PPM1H: variants seen among roughly 807,000 people sequenced by gnomAD.
PPM1H encodes the protein protein phosphatase 1H.
Under a neutral mutation model 54.9 loss-of-function variants are expected in PPM1H, and 27 were observed. The observed-to-expected ratio is 0.49, with a 90% confidence interval of 0.36 to 0.68. The LOEUF (loss-of-function observed/expected upper bound fraction) is 0.68. PPM1H is among the 30% of genes least tolerant of loss of function. The pLI is 0.00. For synonymous variants in PPM1H, 305 were observed against 270.8 expected (o/e 1.13, Z -1.24); for missense variants, 596 against 667.8 (o/e 0.89, Z 1.19).
At chr12:62,841,625 T>C (rs1868752265) in intron 1 of PPM1H, among the ~76,000 whole-genome samples, 1 of 152,208 alleles carries the variant, frequency 6.6e-6, no homozygotes. Flanking sequence ...ATACTGACGA[T>C]TTCACATAGT....
intron 4 of PPM1H, among the ~76,000 whole-genome samples, chr12:62,776,251 C>T (rs562768053): frequency 6.6e-6 from 1 of 152,216 alleles, no homozygotes; most frequent in Non-Finnish European, 1.5e-5. Flanking sequence ...GAACATTTTG[C>T]CTCACCTCCT....
At chr12:62,666,966 C>A (rs1195547397) in intron 9 of PPM1H, among the ~76,000 whole-genome samples, 1 of 152,170 alleles carries the variant, frequency 6.6e-6, no homozygotes, top group Non-Finnish European at 1.5e-5. Flanking sequence ...CCCGCCTTGG[C>A]CCCCCAAAGT....
intron 1 of PPM1H, among the ~76,000 whole-genome samples, chr12:62,853,655 G>A (rs1232247864): frequency 6.6e-6 from 1 of 152,248 alleles, no homozygotes; most frequent in Admixed American, 6.5e-5. Flanking sequence ...TGCTAGTTCT[G>A]TAGGGAAACT....
intron 9 of PPM1H, among the ~76,000 whole-genome samples, chr12:62,661,486 G>A (rs1436046978): frequency 3.9e-5 from 6 of 152,108 alleles, no homozygotes; most frequent in Non-Finnish European, 7.4e-5. Context: ...CTGCAACCTC[G>A]ACTTGCCAGC....
At chr12:62,726,700 AT>A (rs1334928782) in intron 5 of PPM1H, among the ~76,000 whole-genome samples, 5 of 152,294 alleles carry the variant, frequency 3.3e-5, no homozygotes, top group African/African-American at 1.2e-4. Flanking sequence ...CAACTTGGTG[AT>A]TTGGAAACTT....
chr12:62,831,759 G>GTGTATATA (rs1555199923), intron 2 of PPM1H, among the ~76,000 whole-genome samples: 5 of 148,126 alleles, frequency 3.4e-5, no homozygotes, highest in African/African-American at 1.3e-4. Flanking sequence ...ATATATTCGT[G>GTGTATATA]TATATATATA....
chr12:62,702,034 G>T (rs2076146564), intron 6 of PPM1H, among the ~76,000 whole-genome samples: 2 of 152,150 alleles, frequency 1.3e-5, no homozygotes, highest in Non-Finnish European at 2.9e-5. Context: ...ACAAAGGCTG[G>T]TATCTCTCCC....
At chr12:62,890,502 A>T (rs972602000) in intron 1 of PPM1H, among the ~76,000 whole-genome samples, 1 of 152,168 alleles carries the variant, frequency 6.6e-6, no homozygotes, top group African/African-American at 2.4e-5. Context: ...GTTCTAAAAA[A>T]TAAAGTCTAT....
intron 2 of PPM1H, among the ~76,000 whole-genome samples, chr12:62,806,691 C>G (rs533137076): frequency 6.6e-6 from 1 of 152,290 alleles, no homozygotes; most frequent in African/African-American, 2.4e-5. Flanking sequence ...TGCCTGCTTC[C>G]CCTTCACCTT....
intron 1 of PPM1H, among the ~76,000 whole-genome samples, chr12:62,884,012 A>AAAAGAGATGAGAACAAACAGACT: frequency 6.6e-6 from 1 of 152,254 alleles, no homozygotes; most frequent in East Asian, 1.9e-4. Context: ...ACAAACAGAC[A>AAAAGAGATGAGAACAAACAGACT]AAAGAGATGA....
intron 1 of PPM1H, among the ~76,000 whole-genome samples, chr12:62,892,061 T>G (rs1351777199): frequency 6.6e-6 from 1 of 152,230 alleles, no homozygotes; most frequent in Admixed American, 6.5e-5. Context: ...ACAGAAACTT[T>G]TCACAGCCTC....
At chr12:62,673,217 G>A (rs2136618697) in intron 8 of PPM1H, among the ~76,000 whole-genome samples, 1 of 152,260 alleles carries the variant, frequency 6.6e-6, no homozygotes, top group Middle Eastern at 3.4e-3. Flanking sequence ...CTCTCACAGA[G>A]CCCTCAGCTT....
chr12:62,757,697 C>A (rs187249454), intron 4 of PPM1H, among the ~76,000 whole-genome samples: 28 of 152,328 alleles, frequency 1.8e-4, no homozygotes, highest in African/African-American at 6.3e-4. Context: ...CATAACACCA[C>A]TCCAGAAAAC....
intron 2 of PPM1H, among the ~76,000 whole-genome samples, chr12:62,817,664 T>C (rs1367489039): frequency 2.0e-5 from 3 of 152,296 alleles, no homozygotes; most frequent in African/African-American, 7.2e-5. Flanking sequence ...AGGGCTGCTG[T>C]TGTAGAACCA....
chr12:62,679,511 G>T (rs1472622610), intron 8 of PPM1H, among the ~76,000 whole-genome samples: 1 of 152,042 alleles, frequency 6.6e-6, no homozygotes, highest in African/African-American at 2.4e-5. Context: ...TTTTGCAGGG[G>T]GATACATGTT....
rs141693155 is a variant in PPM1H, at chr12:62,913,862, G to C, written c.245+20630C>G. 1.1e-4 allele frequency among the ~76,000 whole-genome samples: 17 copies of C among 151,770 alleles called. No homozygotes were observed. The East Asian group carries it at 2.3e-3, about 21-fold the overall frequency. On this transcript the variant is annotated intron_variant, in intron 1 of 9. Transcript: ENST00000228705. ...ATTATACGCATGCGCCACCATGCCT[G>C]GCTAACTTTGTATTTTTAGTAGAGA... is the stretch of plus-strand genomic sequence containing the variant.
intron 9 of PPM1H, among the ~76,000 whole-genome samples, chr12:62,661,234 T>TCC (rs1202318162): frequency 6.6e-6 from 1 of 152,138 alleles, no homozygotes; most frequent in Non-Finnish European, 1.5e-5. Flanking sequence ...GCTGCTGTAA[T>TCC]CCCTCCAGAC....
intron 1 of PPM1H, among the ~76,000 whole-genome samples, chr12:62,904,878 G>C (rs1453424876): frequency 6.6e-6 from 1 of 152,028 alleles, no homozygotes; most frequent in Non-Finnish European, 1.5e-5. Flanking sequence ...AAACCTATAA[G>C]CTTTAAAGGC....
At chr12:62,667,136 A>T (rs2075923327) in intron 9 of PPM1H, 42 bp downstream of exon 9, 1 of 1,499,278 alleles carries the variant, frequency 6.7e-7, no homozygotes, top group African/African-American at 1.4e-5. Context: ...GTCATGGAAG[A>T]ATGCTTGAGG....
Sources: allele counts gnomAD v4.1 joint callset (sites outside exome capture counted in the v4.1 genomes callset), GRCh38; gene constraint gnomAD v4.1.1; transcripts MANE v1.5; gene names NCBI Gene and HGNC (gene_info 2026-07-23, HGNC 2026-07-21).